The following DCC variants were observed in gnomAD, a reference collection of about 807,000 sequenced individuals.
DCC encodes DCC netrin 1 receptor.
DCC carries 58 observed loss-of-function variants against 172.5 expected under a neutral mutation model. The observed-to-expected ratio is 0.34, with a 90% CI of 0.27 to 0.42. The LOEUF is 0.42. Among genes scored for constraint, DCC ranks in the 10% least tolerant of loss-of-function variants. The probability of loss-of-function intolerance (pLI) is 1.00; values close to 1 mark genes in which losing one functional copy is unlikely to be tolerated. For missense variants in DCC, 1,740 were observed against 1,791.0 expected, an observed-to-expected ratio of 0.97 and a Z score of 0.51; for synonymous variants, 709 against 644.5, an observed-to-expected ratio of 1.10 and a Z score of -1.52.
At chr18:53,237,008 G>A (rs1158512072) in intron 12 of DCC, 1 of 151,698 alleles carries the variant, frequency 6.6e-6, no homozygotes, top group Non-Finnish European at 1.5e-5. Flanking sequence ...GCAGTATTAA[G>A]TACTCTAATA....
At chr18:52,630,679 C>T (rs1365900822) in intron 1 of DCC, among the ~76,000 whole-genome samples, 1 of 151,884 alleles carries the variant, frequency 6.6e-6, no homozygotes, top group East Asian at 1.9e-4. Flanking sequence ...TTGCAGAACA[C>T]TTGCACTTTC....
chr18:52,604,739 G>A (rs1180530089), intron 1 of DCC, among the ~76,000 whole-genome samples: 2 of 152,136 alleles, frequency 1.3e-5, no homozygotes, highest in Non-Finnish European at 2.9e-5. Context: ...CAAAGGAGAA[G>A]AGTATGAGGG....
intron 15 of DCC, among the ~76,000 whole-genome samples, chr18:53,359,807 A>T (rs1337240478): frequency 1.3e-5 from 2 of 152,154 alleles, no homozygotes; most frequent in Non-Finnish European, 2.9e-5. Flanking sequence ...AATGACATCC[A>T]GAGCCTAATT....
chr18:53,326,721 T>C (rs1478814317), intron 14 of DCC, among the ~76,000 whole-genome samples: 1 of 152,216 alleles, frequency 6.6e-6, no homozygotes, highest in Non-Finnish European at 1.5e-5. Flanking sequence ...TTGGCTAATG[T>C]TGGAAAGCTT....
intron 9 of DCC, among the ~76,000 whole-genome samples, chr18:53,198,192 C>A (rs2055477744): frequency 6.6e-6 from 1 of 152,056 alleles, no homozygotes; most frequent in Admixed American, 6.6e-5. Flanking sequence ...ATAGCTAATC[C>A]ATTGGCAGCT....
intron 1 of DCC, among the ~76,000 whole-genome samples, chr18:52,590,647 G>A (rs1011806859): frequency 6.6e-6 from 1 of 152,174 alleles, no homozygotes; most frequent in African/African-American, 2.4e-5. Flanking sequence ...ATAGTGCAGT[G>A]TGGGTACTGG....
At chr18:52,862,425 G>A (rs1415000076) in intron 2 of DCC, among the ~76,000 whole-genome samples, 3 of 152,126 alleles carry the variant, frequency 2.0e-5, no homozygotes, top group Non-Finnish European at 4.4e-5. Context: ...TATTCCGGCC[G>A]GGTGTTATGG....
intron 1 of DCC, among the ~76,000 whole-genome samples, chr18:52,536,760 A>G (rs1022993783): frequency 1.2e-4 from 19 of 152,164 alleles, no homozygotes; most frequent in Admixed American, 1.2e-3. Context: ...TTAAATTTTA[A>G]TATTGAAATT....
intron 21 of DCC, among the ~76,000 whole-genome samples, chr18:53,424,866 A>G (rs762764531): frequency 1.3e-5 from 2 of 152,172 alleles, no homozygotes; most frequent in Non-Finnish European, 2.9e-5. Context: ...GCTCTAATGT[A>G]GTAGTTCTGG....
chr18:52,708,671 C>A (rs1330817380), intron 1 of DCC, among the ~76,000 whole-genome samples: 1 of 152,128 alleles, frequency 6.6e-6, no homozygotes, highest in African/African-American at 2.4e-5. Flanking sequence ...AATAGTCTCT[C>A]ACCACAAGGC....
At chr18:52,535,267 C>G (rs551393657) in intron 1 of DCC, among the ~76,000 whole-genome samples, 1 of 152,278 alleles carries the variant, frequency 6.6e-6, no homozygotes, top group South Asian at 2.1e-4. Context: ...GGTGCCTTGC[C>G]TTTGTCCTGA....
intron 13 of DCC, among the ~76,000 whole-genome samples, chr18:53,315,730 T>TC (rs755211120): frequency 5.3e-5 from 8 of 152,212 alleles, no homozygotes; most frequent in Non-Finnish European, 1.0e-4. Context: ...GCTTTTTTTT[T>TC]CATATATTTT....
At chr18:52,741,766 G>T (rs1036679979) in intron 1 of DCC, among the ~76,000 whole-genome samples, 2 of 152,048 alleles carry the variant, frequency 1.3e-5, no homozygotes, top group African/African-American at 4.8e-5. Context: ...AGCTATTCCT[G>T]GGGTGGGCTC....
intron 15 of DCC, among the ~76,000 whole-genome samples, chr18:53,348,413 G>A (rs982818021): frequency 1.3e-5 from 2 of 152,196 alleles, no homozygotes; most frequent in African/African-American, 4.8e-5. Context: ...TGGTTTTGCA[G>A]GGCACAGCCT....
intron 12 of DCC, among the ~76,000 whole-genome samples, chr18:53,251,319 T>C (rs2144658613): frequency 6.6e-6 from 1 of 152,110 alleles, no homozygotes; most frequent in East Asian, 1.9e-4. Flanking sequence ...GTACAATATC[T>C]GTCTTTTGTT....
rs187419576 is a variant in DCC at position 52,775,601 on chromosome 18, G to A, written c.412+23227G>A. ...TGGCCCCAGCTTTCCTCCAACTGCC[G>A]GGTCAAACTCTGCCTCGTCCCGCCG... On this transcript the variant is annotated intron_variant, in intron 2 of 28. Coordinates refer to ENST00000442544, the MANE Select transcript of DCC (RefSeq NM_005215.4). Among the ~76,000 whole-genome samples the A allele has an allele frequency of 1.4e-3, 211 of 152,268 alleles. No homozygotes were observed. The East Asian group carries it at 0.021, about 15-fold the overall frequency.
chr18:52,421,267 AC>A (rs1406492993), intron 1 of DCC, among the ~76,000 whole-genome samples: 1 of 152,168 alleles, frequency 6.6e-6, no homozygotes, highest in African/African-American at 2.4e-5. Flanking sequence ...AGACAGGTAG[AC>A]CAGGTGTCTG....
rs535172548 is a variant in DCC at position 52,738,817 on chromosome 18, G to T, written c.92-13237G>T. Among the ~76,000 whole-genome samples the T allele has an allele frequency of 2.7e-4, 39 of 145,252 alleles. 1 individual carries two copies. Among genetic ancestry groups the T allele is most frequent in the Middle Eastern group, 3.5e-3 (1 of 286 alleles). On this transcript the variant is annotated intron_variant, in intron 1 of 28. Coordinates refer to ENST00000442544, the MANE Select transcript of DCC (RefSeq NM_005215.4). Reference sequence around the variant, plus strand: ...TGCAGTGGCACAAACATGGCTCAATGCAGCCTCAACCTCCTGGGCTCAAGC... The same window carrying T: ...TGCAGTGGCACAAACATGGCTCAATTCAGCCTCAACCTCCTGGGCTCAAGC...
At chr18:53,400,231 T>C (rs1169895551) in intron 18 of DCC, among the ~76,000 whole-genome samples, 2 of 152,036 alleles carry the variant, frequency 1.3e-5, no homozygotes, top group Admixed American at 6.6e-5. Context: ...GAGCTATGGC[T>C]TAGTTGAATT....
Sources: allele counts gnomAD v4.1 joint callset (sites outside exome capture counted in the v4.1 genomes callset), GRCh38; gene constraint gnomAD v4.1.1; transcripts MANE v1.5; gene names NCBI Gene and HGNC (gene_info 2026-07-23, HGNC 2026-07-21).